Variants in VPS45 observed in about 807,000 individuals in gnomAD.
VPS45 encodes the protein vacuolar protein sorting-associated protein 45.
A neutral mutation model predicts 75.9 loss-of-function variants in VPS45; 35 were observed. The observed-to-expected ratio is 0.46, with a 90% CI of 0.35 to 0.61. The LOEUF is 0.61. Among genes scored for constraint, VPS45 ranks in the 20% least tolerant of loss-of-function variants. VPS45 has a pLI of 0.00. For synonymous variants in VPS45, 220 were observed against 238.2 expected (o/e 0.92, Z 0.70); for missense variants, 559 against 685.9 (o/e 0.81, Z 2.07).
At position 150,088,451 on chromosome 1, in the gene VPS45, A is replaced by G. The variant is rs1181868974; in HGVS notation, c.1105-3486A>G. Among the ~76,000 whole-genome samples the G allele has an allele frequency of 2.3e-5, 3 of 131,658 alleles. No homozygotes were observed. In the East Asian group the frequency reaches 6.6e-4, roughly 29 times the overall value. The allele number at this position is 131,658 out of a possible 152,430, so 86.4% of individuals were successfully genotyped here. A position where few individuals can be genotyped will look rare whatever the true frequency, so the allele number is the denominator to read the frequency against. Reference sequence around the variant, plus strand: ...GAATAATAAATATATATATATATATATATATGCTGCTATTTTCTTTTCCCT... The same window carrying G: ...GAATAATAAATATATATATATATATGTATATGCTGCTATTTTCTTTTCCCT... On this transcript the variant is annotated intron_variant, in intron 10 of 14. Transcript: ENST00000644510.
chr1:150,113,503 T>G (rs1553807625), intron 14 of VPS45, among the ~76,000 whole-genome samples: 1 of 152,202 alleles, frequency 6.6e-6, no homozygotes, highest in East Asian at 1.9e-4. Context: ...TTATTCCTCA[T>G]GCTCCCTCCT....
At chr1:150,068,534 T>C (rs1303277799) in intron 1 of VPS45, 96 bp from the exon 2 acceptor site, 2 of 1,176,478 alleles carry the variant, frequency 1.7e-6, no homozygotes, top group Non-Finnish European at 2.3e-6. Context: ...ATTTAAGTTA[T>C]CCAGCTAAGT....
At chr1:150,085,711 G>T (rs1210799555) in intron 10 of VPS45, among the ~76,000 whole-genome samples, 1 of 151,990 alleles carries the variant, frequency 6.6e-6, no homozygotes, top group Admixed American at 6.6e-5. Flanking sequence ...GATGGGGTTT[G>T]CTTTATTGAA....
At chr1:150,116,027 A>G (rs1657914295) in intron 14 of VPS45, among the ~76,000 whole-genome samples, 4 of 152,190 alleles carry the variant, frequency 2.6e-5, no homozygotes, top group Non-Finnish European at 4.4e-5. Flanking sequence ...ATTTAAAAGA[A>G]TGTTTGTCAT....
chr1:150,107,769 C>T (rs149359818), intron 13 of VPS45, among the ~76,000 whole-genome samples: 2,142 of 152,220 alleles, frequency 0.014, 49 homozygotes, highest in African/African-American at 0.046. Flanking sequence ...GGCATGGTGG[C>T]GCACGCCTGT....
chr1:150,101,194 G>A (rs112521467), intron 13 of VPS45, among the ~76,000 whole-genome samples: 15,982 of 151,156 alleles, frequency 0.11, 1,183 homozygotes, highest in Non-Finnish European at 0.16. Context: ...TTGAACCTGG[G>A]GAGATGGAGG....
chr1:150,067,822 C>A lies in VPS45; in HGVS notation c.-36C>A. On this transcript the variant is annotated 5_prime_UTR_variant, in exon 1 of 15. Coordinates refer to ENST00000644510, the MANE Select transcript of VPS45 (RefSeq NM_007259.5). ...GGGTTAATTTAGCCAGAAAAGGGGG[C>A]GGGAAGGGCTGTAGGGTACTTGTCA... 1 of 1,599,296 alleles carries A rather than the reference C, an allele frequency of 6.3e-7. No individual in the cohort carries two copies.
At chr1:150,126,776 G>T (rs1271732581) in intron 14 of VPS45, among the ~76,000 whole-genome samples, 2 of 151,990 alleles carry the variant, frequency 1.3e-5, no homozygotes, top group African/African-American at 4.8e-5. Flanking sequence ...GAACAGCCTG[G>T]GCAACATAGT....
chr1:150,132,440 A>G (rs1658883635), intron 14 of VPS45, among the ~76,000 whole-genome samples: 1 of 152,206 alleles, frequency 6.6e-6, no homozygotes, highest in Non-Finnish European at 1.5e-5. Flanking sequence ...AAAATGTTCT[A>G]CCAATTTTAA....
chr1:150,079,675 G>C (rs1224800017), intron 7 of VPS45, among the ~76,000 whole-genome samples: 1 of 152,170 alleles, frequency 6.6e-6, no homozygotes, highest in Non-Finnish European at 1.5e-5. Context: ...GCCTCCCAAA[G>C]TGCTAAGATG....
Position 150,072,076 on chromosome 1 carries a change from G to C in VPS45, c.229-90G>C, listed in dbSNP as rs1655103528. 2.7e-6 allele frequency: 3 copies of C among 1,131,264 alleles called. No homozygotes were observed. The East Asian group carries it at 7.4e-5, about 28-fold the overall frequency. 70.1% of individuals were successfully genotyped at this position (1,131,264 alleles called of 1,614,324 possible). A position where few individuals can be genotyped will look rare whatever the true frequency, so the allele number is the denominator to read the frequency against. ...TAGACTTCAATATGCAGTAGACGCA[G>C]TAAATAAACAAATCAATGGGTGAAT... is the stretch of plus-strand genomic sequence containing the variant. On this transcript the variant is annotated intron_variant, in intron 2 of 14. Coordinates refer to ENST00000644510, the MANE Select transcript of VPS45 (RefSeq NM_007259.5).
At chr1:150,106,743 A>G (rs1657347088) in intron 13 of VPS45, among the ~76,000 whole-genome samples, 1 of 152,208 alleles carries the variant, frequency 6.6e-6, no homozygotes, top group Admixed American at 6.5e-5. Flanking sequence ...TAATAAATTT[A>G]AAGCCTTTGG....
rs1654836172 is a variant in VPS45 at position 150,068,224 on chromosome 1, G to T, written c.93+274G>T. ...CCGCCAAGAAATCATTAATATGTCA[G>T]AGCACTTGGAAGGCTTTGGGATGGG... On this transcript the variant is annotated intron_variant, in intron 1 of 14. Transcript: ENST00000644510. The T allele has an allele frequency of 8.4e-6, 4 of 476,704 alleles. No homozygotes were observed. In the Middle Eastern group the frequency reaches 2.2e-3, roughly 258 times the overall value. 29.5% of individuals were successfully genotyped at this position (476,704 alleles called of 1,614,324 possible).
chr1:150,113,864 C>T lies in VPS45; in HGVS notation c.1625+3237C>T, dbSNP rs181963934. On this transcript the variant is annotated intron_variant, in intron 14 of 14. Coordinates refer to ENST00000644510, the MANE Select transcript of VPS45 (RefSeq NM_007259.5). ...GAGCCGAAATCATGCCACTGCATTC[C>T]AGCCTGGGTGACAGAGAGAGACTCT... 1.2e-4 allele frequency among the ~76,000 whole-genome samples: 18 copies of T among 152,116 alleles called. No homozygotes were observed. The East Asian group carries it at 3.1e-3, about 26-fold the overall frequency.
rs781801888 is a variant in VPS45 at position 150,092,372 on chromosome 1, C to G, written c.1334C>G (p.Ala445Gly). 37 of 1,614,116 alleles carry G rather than the reference C, an allele frequency of 2.3e-5. No individual in the cohort carries two copies. The African/African-American group carries it at 4.3e-4, about 19-fold the overall frequency. Residue 445 changes from alanine to glycine, a missense_variant, in exon 12 of 15, where the codon GCT becomes GGT. Coordinates refer to ENST00000644510, the MANE Select transcript of VPS45 (RefSeq NM_007259.5). ...RGSDLFSPKD[A>G]VAITKQFLKG... ...AGTGACCTCTTCAGCCCCAAAGATG[C>G]TGTGGCTATCACCAAACAATTCCTC...
chr1:150,095,144 TTACA>T (rs1360156100), intron 13 of VPS45, among the ~76,000 whole-genome samples: 1 of 152,166 alleles, frequency 6.6e-6, no homozygotes, highest in Non-Finnish European at 1.5e-5. Flanking sequence ...CTCAAAGAAC[TTACA>T]TAGAGACAAT....
chr1:150,097,258 G>C (rs1471022827), intron 13 of VPS45, among the ~76,000 whole-genome samples: 1 of 150,820 alleles, frequency 6.6e-6, no homozygotes, highest in Non-Finnish European at 1.5e-5. Context: ...GCTAATTTTT[G>C]TATTTTTAGT....
chr1:150,074,258 G>A (rs1233701278), intron 3 of VPS45, among the ~76,000 whole-genome samples: 2 of 151,708 alleles, frequency 1.3e-5, no homozygotes, highest in African/African-American at 2.4e-5. Context: ...CCTGACCTTG[G>A]GTGATACGCC....
chr1:150,134,394 G>A (rs1309993167), intron 14 of VPS45, among the ~76,000 whole-genome samples: 1 of 152,116 alleles, frequency 6.6e-6, no homozygotes, highest in African/African-American at 2.4e-5. Flanking sequence ...TAAAATATAT[G>A]TAGCATGTAA....
Sources: gnomAD v4.1 joint callset for allele counts (sites outside exome capture counted in the v4.1 genomes callset) on GRCh38, gnomAD v4.1.1 for gene constraint, MANE v1.5 for transcripts, NCBI Gene and HGNC (gene_info 2026-07-23, HGNC 2026-07-21) for gene names.